The following NFKBIZ variants were observed in gnomAD, a reference collection of about 807,000 sequenced individuals.
NFKBIZ encodes NF-kappa-B inhibitor zeta.
NFKBIZ carries 19 observed loss-of-function variants against 76.8 expected under a neutral mutation model. The observed-to-expected ratio is 0.25, with a 90% CI of 0.17 to 0.36. NFKBIZ has a LOEUF of 0.36. Among genes scored for constraint, NFKBIZ ranks in the 10% least tolerant of loss-of-function variants. The probability of loss-of-function intolerance (pLI) is 1.00; values close to 1 mark genes in which losing one functional copy is unlikely to be tolerated. For synonymous variants in NFKBIZ, 368 were observed against 354.8 expected (o/e 1.04, Z -0.42); for missense variants, 829 against 910.9 (o/e 0.91, Z 1.16).
chr3:101,855,678 G>A (rs1943039359), intron 8 of NFKBIZ, 55 bp from the exon 9 acceptor site: 1 of 1,523,982 alleles, frequency 6.6e-7, no homozygotes, highest in South Asian at 1.3e-5. Context: ...ATTATAGAAG[G>A]ACCAAAAGAC....
chr3:101,854,622 A>G lies in NFKBIZ; in HGVS notation c.1382A>G (p.Tyr461Cys), dbSNP rs769566931. The G allele has an allele frequency of 2.5e-6, 4 of 1,613,418 alleles. No individual in the cohort carries two copies. Among genetic ancestry groups the G allele is most frequent in the Non-Finnish European group, 3.4e-6 (4 of 1,179,896 alleles). The change falls in exon 6 of 12, where the codon TAT becomes TGT. Residue 461 changes from tyrosine (Y) to cysteine (C), a missense_variant. By Grantham distance (194) the Tyr-to-Cys change is radical. Coordinates refer to ENST00000326172, the MANE Select transcript of NFKBIZ (RefSeq NM_031419.4). Reference sequence around the variant, plus strand: ...GCCCAAGGGAGAAGGGCACTTTCCTATGTTCTTGCAAGAAAGATGAATGCA... The same window carrying G: ...GCCCAAGGGAGAAGGGCACTTTCCTGTGTTCTTGCAAGAAAGATGAATGCA... Reference protein sequence around the residue: ...AVAQGRRALSYVLARKMNALH... With the variant: ...AVAQGRRALSCVLARKMNALH...
chr3:101,846,653 G>A (rs1257027647), upstream of NFKBIZ, among the ~76,000 whole-genome samples: 1 of 151,970 alleles, frequency 6.6e-6, no homozygotes, highest in African/African-American at 2.4e-5. Context: ...TACTTTCTAC[G>A]GATTTATTTG....
intron 6 of NFKBIZ, 78 bp downstream of exon 6, chr3:101,854,761 T>C (rs1943024418): frequency 9.8e-7 from 1 of 1,015,504 alleles, no homozygotes; most frequent in Admixed American, 2.0e-5. Flanking sequence ...TATGTGTAGA[T>C]CATCTTAGAG....
chr3:101,849,421 C>A, upstream of NFKBIZ: 1 of 375,544 alleles, frequency 2.7e-6, no homozygotes, highest in Non-Finnish European at 4.7e-6. Context: ...GGCTGGGAGG[C>A]GGCCCGGGCA....
At chr3:101,852,046 A>G (rs777247070) in intron 1 of NFKBIZ, 39 bp from the exon 2 acceptor site, 6 of 1,600,004 alleles carry the variant, frequency 3.7e-6, no homozygotes, top group African/African-American at 2.7e-5. Flanking sequence ...GTCTGTGAAG[A>G]TATTTAACCA....
chr3:101,831,232 AG>A (rs1477347684), intron 2 of NFKBIZ, among the ~76,000 whole-genome samples: 1 of 152,222 alleles, frequency 6.6e-6, no homozygotes, highest in Non-Finnish European at 1.5e-5. Context: ...TAGGTTCTTC[AG>A]GGAAAAATCT....
At chr3:101,844,507 C>G (rs547945737) in intron 2 of NFKBIZ, among the ~76,000 whole-genome samples, 2 of 152,264 alleles carry the variant, frequency 1.3e-5, no homozygotes, top group African/African-American at 4.8e-5. Context: ...ACAATTGTTT[C>G]AGGATAAATG....
intron 9 of NFKBIZ, among the ~76,000 whole-genome samples, chr3:101,856,369 A>G (rs1943050051): frequency 6.6e-6 from 1 of 152,250 alleles, no homozygotes; most frequent in Non-Finnish European, 1.5e-5. Flanking sequence ...AGATTTTAAC[A>G]GATCATTTCA....
intron 11 of NFKBIZ, among the ~76,000 whole-genome samples, chr3:101,859,028 A>G (rs975019616): frequency 2.6e-5 from 4 of 152,216 alleles, no homozygotes; most frequent in Non-Finnish European, 5.9e-5. Context: ...GGAAAAGAAT[A>G]TAGGTGTTAA....
Position 101,853,553 on chromosome 3 carries a change from C to T in NFKBIZ, c.1027C>T (p.Leu343Phe), listed in dbSNP as rs1250440039. 2.0e-5 allele frequency: 33 copies of T among 1,614,240 alleles called. No homozygotes were observed. Among genetic ancestry groups the T allele is most frequent in the South Asian group, 1.1e-4 (10 of 91,082 alleles). The stretch of plus-strand genomic sequence containing the variant: ...TTGCCCAAACCAAAGCTTAGTTTCC[C>T]TTCTTGGTGATCAAAGGGAATCTGA... ...QFCPNQSLVS[L>F]LGDQRESENI... Residue 343 changes from leucine (L) to phenylalanine (F), a missense_variant, in exon 5 of 12, where the codon CTT becomes TTT. This residue lies in a region of NFKBIZ where 371 missense variants were observed against 332.3 expected (regional missense o/e 1.12). Transcript: ENST00000326172.
upstream of NFKBIZ, among the ~76,000 whole-genome samples, chr3:101,847,964 G>A (rs891721856): frequency 6.6e-6 from 1 of 152,206 alleles, no homozygotes; most frequent in Non-Finnish European, 1.5e-5. Flanking sequence ...GGCCTGACTG[G>A]GGACCCTTTC....
upstream of NFKBIZ, among the ~76,000 whole-genome samples, chr3:101,846,829 C>T (rs1239905588): frequency 2.0e-5 from 3 of 152,180 alleles, no homozygotes; most frequent in South Asian, 2.1e-4. Context: ...AGGATTGGCT[C>T]ACACAATTAT....
chr3:101,855,473 C>G lies in NFKBIZ; in HGVS notation c.1654+15C>G. 1 of 1,611,568 alleles carries G rather than the reference C, an allele frequency of 6.2e-7. No individual in the cohort carries two copies. Among genetic ancestry groups the G allele is most frequent in the Non-Finnish European group, 8.5e-7 (1 of 1,177,772 alleles). ...TAACTATGATGGTAAGCAACTGAAA[C>G]TTTATTAGATTCAGAGCCACTTAGG... On this transcript the variant is annotated intron_variant, in intron 8 of 11. Transcript: ENST00000326172.
intron 2 of NFKBIZ, among the ~76,000 whole-genome samples, chr3:101,835,918 C>T (rs1282174019): frequency 6.6e-6 from 1 of 152,072 alleles, no homozygotes; most frequent in African/African-American, 2.4e-5. Context: ...ATCATTGCTT[C>T]CTCAAGCAAA....
intron 9 of NFKBIZ, chr3:101,856,116 T>C (rs1576818545): frequency 6.3e-6 from 2 of 317,450 alleles, no homozygotes; most frequent in Non-Finnish European, 1.2e-5. Flanking sequence ...AGTGGTGCGA[T>C]CTTGGCTCAC....
At chr3:101,855,926 G>A in intron 9 of NFKBIZ, 24 bp downstream of exon 9, 1 of 1,587,202 alleles carries the variant, frequency 6.3e-7, no homozygotes, top group Non-Finnish European at 8.6e-7. Flanking sequence ...AAAGGTTTAA[G>A]ATGGGGTAGG....
At chr3:101,849,342 G>C (rs1374026975), upstream of NFKBIZ, 1 of 283,316 alleles carries the variant, frequency 3.5e-6, no homozygotes, top group Non-Finnish European at 6.6e-6. Context: ...GCGGGGCGAG[G>C]GCGGAGGGCG....
Position 101,852,696 on chromosome 3 carries a change from G to A in NFKBIZ, c.430-42G>A, listed in dbSNP as rs1006116427. 4 of 1,424,782 alleles carry A rather than the reference G, an allele frequency of 2.8e-6. No individual in the cohort carries two copies. In the South Asian group the frequency reaches 4.8e-5, roughly 17 times the overall value. 88.3% of individuals were successfully genotyped at this position (1,424,782 alleles called of 1,614,324 possible). On this transcript the variant is annotated intron_variant, in intron 2 of 11. Coordinates refer to ENST00000326172, the MANE Select transcript of NFKBIZ (RefSeq NM_031419.4). The stretch of plus-strand genomic sequence containing the variant: ...ACTTACTGATGTATATTAAGAGGAA[G>A]TCATTTTGTATACACTAAATTGGAA...
chr3:101,860,655 T>G lies in NFKBIZ; in HGVS notation c.*1284T>G, dbSNP rs1228410900. On this transcript the variant is annotated 3_prime_UTR_variant, in exon 12 of 12. Transcript: ENST00000326172. ...ATAATGTGCCATGATGTTTTATATA[T>G]ATCATTCAGAAAAAGTTTTATTTTT... The G allele has an allele frequency of 6.6e-6, 1 of 152,194 alleles. No homozygotes were observed. The highest frequency in any genetic ancestry group is 1.5e-5 in the Non-Finnish European group (1 of 68,042). The allele number at this position is 152,194 out of a possible 1,614,324, so 9.4% of individuals were successfully genotyped here. A position where few individuals can be genotyped will look rare whatever the true frequency, so the allele number is the denominator to read the frequency against.
Sources: allele counts gnomAD v4.1 joint callset (sites outside exome capture counted in the v4.1 genomes callset), GRCh38; gene constraint gnomAD v4.1.1; regional missense constraint gnomAD v4.1.1; transcripts MANE v1.5; gene names NCBI Gene and HGNC (gene_info 2026-07-23, HGNC 2026-07-21).